CPNE4: variants seen among roughly 807,000 people sequenced by gnomAD.
CPNE4 encodes copine-4.
A neutral mutation model predicts 67.9 loss-of-function variants in CPNE4; 25 were observed. The ratio of observed to expected loss-of-function variants is 0.37; its 90% confidence interval spans 0.27 to 0.51. CPNE4 has a LOEUF of 0.51. Among genes scored for constraint, CPNE4 ranks in the 20% least tolerant of loss-of-function variants. CPNE4 has a pLI of 0.93. For synonymous variants in CPNE4, 242 were observed against 244.9 expected (o/e 0.99, Z 0.11); for missense variants, 464 against 690.8 (o/e 0.67, Z 3.68).
At chr3:131,535,684 T>C (rs1396733125) in intron 15 of CPNE4, among the ~76,000 whole-genome samples, 4 of 152,208 alleles carry the variant, frequency 2.6e-5, no homozygotes, top group African/African-American at 9.7e-5. Context: ...CTATGGTTCT[T>C]GCCTCAGGAA....
chr3:131,833,058 G>T (rs559883110), intron 2 of CPNE4, among the ~76,000 whole-genome samples: 1 of 152,230 alleles, frequency 6.6e-6, no homozygotes, highest in African/African-American at 2.4e-5. Flanking sequence ...CCAGAGCCTT[G>T]TATCTATAGC....
intron 2 of CPNE4, among the ~76,000 whole-genome samples, chr3:131,888,221 A>G (rs562993957): frequency 1.3e-5 from 2 of 152,348 alleles, no homozygotes; most frequent in South Asian, 2.1e-4. Flanking sequence ...AAGAAACTAG[A>G]TTAAGCAAAT....
intron 2 of CPNE4, among the ~76,000 whole-genome samples, chr3:131,890,173 T>G (rs2088051581): frequency 6.6e-6 from 1 of 152,010 alleles, no homozygotes; most frequent in Admixed American, 6.6e-5. Context: ...GATAAAATAT[T>G]TGTAAATCAT....
intron 7 of CPNE4, among the ~76,000 whole-genome samples, chr3:131,637,044 C>G (rs1024420102): frequency 7.9e-5 from 12 of 151,728 alleles, no homozygotes; most frequent in African/African-American, 2.9e-4. Context: ...GAACAGCAGC[C>G]CTTGAATCCC....
intron 2 of CPNE4, among the ~76,000 whole-genome samples, chr3:131,762,896 T>C (rs1352170386): frequency 7.0e-6 from 1 of 143,722 alleles, no homozygotes; most frequent in African/African-American, 2.5e-5. Flanking sequence ...AATTAAAGCT[T>C]ATACATGCTA....
intron 7 of CPNE4, among the ~76,000 whole-genome samples, chr3:131,666,391 A>G (rs377392353): frequency 9.2e-5 from 14 of 152,176 alleles, no homozygotes; most frequent in African/African-American, 3.1e-4. Context: ...TTTGAGAGAC[A>G]TTAAAATATG....
chr3:131,963,633 G>T (rs2072250151), intron 1 of CPNE4, among the ~76,000 whole-genome samples: 2 of 152,176 alleles, frequency 1.3e-5, no homozygotes, highest in Non-Finnish European at 2.9e-5. Flanking sequence ...GGGAAGTTCG[G>T]CAAAACTCAC....
intron 2 of CPNE4, among the ~76,000 whole-genome samples, chr3:131,788,290 A>C (rs868389295): frequency 3.9e-5 from 6 of 152,184 alleles, no homozygotes; most frequent in Admixed American, 1.3e-4. Context: ...TTAATAAATA[A>C]AGAAGTTATG....
intron 10 of CPNE4, among the ~76,000 whole-genome samples, chr3:131,572,829 C>A (rs1937403347): frequency 6.6e-6 from 1 of 152,032 alleles, no homozygotes; most frequent in Non-Finnish European, 1.5e-5. Context: ...CTCTCCTCTG[C>A]CCACCTCCAT....
At chr3:132,038,309 G>T (rs1560828469), upstream of CPNE4, among the ~76,000 whole-genome samples, 1 of 152,138 alleles carries the variant, frequency 6.6e-6, no homozygotes, top group Non-Finnish European at 1.5e-5. Flanking sequence ...GCAAGCTGAT[G>T]CAGGAATTAA....
intron 2 of CPNE4, among the ~76,000 whole-genome samples, chr3:131,827,269 C>T (rs934703003): frequency 2.7e-4 from 41 of 152,224 alleles, no homozygotes; most frequent in African/African-American, 9.6e-4. Flanking sequence ...CCATTTATTC[C>T]AAAGTTTCTT....
intron 6 of CPNE4, 86 bp from the exon 7 acceptor site, chr3:131,669,850 T>C (rs2080364485): frequency 1.4e-5 from 14 of 1,019,488 alleles, no homozygotes; most frequent in East Asian, 2.4e-5. Context: ...TGAGAAACCA[T>C]TGTGATGCTT....
chr3:131,641,098 T>C (rs1283694646), intron 7 of CPNE4, among the ~76,000 whole-genome samples: 1 of 152,134 alleles, frequency 6.6e-6, no homozygotes, highest in Non-Finnish European at 1.5e-5. Context: ...CTTCTAGACA[T>C]TGGCTTATGC....
chr3:131,765,616 C>CTA (rs1325924221), intron 2 of CPNE4, among the ~76,000 whole-genome samples: 1 of 152,078 alleles, frequency 6.6e-6, no homozygotes, highest in Non-Finnish European at 1.5e-5. Context: ...AGGTCCTTTA[C>CTA]TATAGTCTAA....
Position 131,937,510 on chromosome 3 carries a change from A to G in CPNE4, c.-1-32066T>C, listed in dbSNP as rs561935317. 3.3e-5 allele frequency among the ~76,000 whole-genome samples: 5 copies of G among 152,322 alleles called. No homozygotes were observed. The East Asian group carries it at 9.6e-4, about 29-fold the overall frequency. ...ATTGTAATTTGGAGTCTTTCTTGAG[A>G]AAAATACTAGAGGACAATTATGAGA... On this transcript the variant is annotated intron_variant, in intron 1 of 15. Coordinates refer to ENST00000429747, the MANE Select transcript of CPNE4 (RefSeq NM_130808.3).
chr3:131,745,778 C>T (rs1220422095), intron 2 of CPNE4, among the ~76,000 whole-genome samples: 1 of 152,114 alleles, frequency 6.6e-6, no homozygotes, highest in Admixed American at 6.5e-5. Flanking sequence ...GCCAGTTCCA[C>T]ACAGTCTTGA....
At chr3:131,864,450 T>C (rs1179879019) in intron 2 of CPNE4, among the ~76,000 whole-genome samples, 4 of 152,040 alleles carry the variant, frequency 2.6e-5, no homozygotes, top group Admixed American at 6.6e-5. Context: ...TCCTAGTTAT[T>C]TTTTTTTCTT....
At position 131,853,026 on chromosome 3, in the gene CPNE4, C is replaced by G. The variant is rs142243893; in HGVS notation, c.180+52238G>C. On this transcript the variant is annotated intron_variant, in intron 2 of 15. Coordinates refer to ENST00000429747, the MANE Select transcript of CPNE4 (RefSeq NM_130808.3). ...TTTCCCCACGTTGATAGATTCAGAGCAATCCCAATTAAAATACCAGCAGAA... is the reference window on the plus strand; with the variant it reads ...TTTCCCCACGTTGATAGATTCAGAGGAATCCCAATTAAAATACCAGCAGAA... 1.0e-3 allele frequency among the ~76,000 whole-genome samples: 154 copies of G among 151,764 alleles called. 1 individual carries two copies. Among genetic ancestry groups the G allele is most frequent in the Admixed American group, 6.9e-3 (105 of 15,202 alleles).
intron 6 of CPNE4, among the ~76,000 whole-genome samples, chr3:131,682,403 A>T (rs2107675187): frequency 6.6e-6 from 1 of 152,200 alleles, no homozygotes; most frequent in South Asian, 2.1e-4. Context: ...TTGTAGAGGT[A>T]CAGTGGTGGT....
Sources: gnomAD v4.1 joint callset for allele counts (sites outside exome capture counted in the v4.1 genomes callset) on GRCh38, gnomAD v4.1.1 for gene constraint, MANE v1.5 for transcripts, NCBI Gene and HGNC (gene_info 2026-07-23, HGNC 2026-07-21) for gene names.